Variants in PBX3 observed in about 807,000 individuals in gnomAD.
The protein encoded by PBX3 is pre-B-cell leukemia transcription factor 3.
A neutral mutation model predicts 48.5 loss-of-function variants in PBX3; 14 were observed. The ratio of observed to expected loss-of-function variants is 0.29; its 90% CI spans 0.19 to 0.45. The LOEUF is 0.45. Among genes scored for constraint, PBX3 ranks in the 20% least tolerant of loss-of-function variants. The probability of loss-of-function intolerance (pLI) is 1.00; values close to 1 mark genes in which losing one functional copy is unlikely to be tolerated. For missense variants in PBX3, 386 were observed against 546.7 expected (o/e 0.71, Z 2.93); for synonymous variants, 210 against 200.3 (o/e 1.05, Z -0.41).
Position 125,929,860 on chromosome 9 carries a change from A to G in PBX3, c.707+15A>G. On this transcript the variant is annotated intron_variant, in intron 4 of 8. Coordinates refer to ENST00000373489, the MANE Select transcript of PBX3 (RefSeq NM_006195.6). Reference sequence around the variant, plus strand: ...CTTGATGCCAGGTATGTGAAGCCATAAATCTATTGCATGGCTTTCCCCCGT... The same window carrying G: ...CTTGATGCCAGGTATGTGAAGCCATGAATCTATTGCATGGCTTTCCCCCGT... 1 of 1,577,232 alleles carries G rather than the reference A, an allele frequency of 6.3e-7. No homozygotes were observed. The highest frequency in any genetic ancestry group is 1.1e-5 in the South Asian group (1 of 90,036).
rs1489511548 is a variant in PBX3 at position 125,818,243 on chromosome 9, T to TTAC, written c.274+69621_274+69623dup. Among the ~76,000 whole-genome samples, 3 of 151,186 alleles carry TTAC rather than the reference T, an allele frequency of 2.0e-5. No individual in the cohort carries two copies. In the East Asian group the frequency reaches 5.8e-4, roughly 29 times the overall value. ...ACAAAAACCAAAACCAGATATAGTATTACCAGAGAGTTCCTGCTCATAAGT... is the reference window on the plus strand; with the variant it reads ...ACAAAAACCAAAACCAGATATAGTATTACTACCAGAGAGTTCCTGCTCATAAGT... On this transcript the variant is annotated intron_variant, in intron 2 of 8. Coordinates refer to ENST00000373489, the MANE Select transcript of PBX3 (RefSeq NM_006195.6).
At chr9:125,941,464 A>G (rs1841957700) in intron 5 of PBX3, among the ~76,000 whole-genome samples, 1 of 152,224 alleles carries the variant, frequency 6.6e-6, no homozygotes, top group African/African-American at 2.4e-5. Flanking sequence ...GAGGCAAGGG[A>G]AAGCAGAGCT....
chr9:125,899,487 A>AGAGAGAGAGAGAGC (rs1554726038), intron 2 of PBX3, among the ~76,000 whole-genome samples: 1 of 123,062 alleles, frequency 8.1e-6, no homozygotes, highest in Non-Finnish European at 1.7e-5. Flanking sequence ...AGAGAGAGAG[A>AGAGAGAGAGAGAGC]GCTCACCCAC....
intron 2 of PBX3, among the ~76,000 whole-genome samples, chr9:125,750,256 A>G (rs1836334254): frequency 6.6e-6 from 1 of 152,204 alleles, no homozygotes; most frequent in Non-Finnish European, 1.5e-5. Context: ...ACAGCCTTAT[A>G]TTACTAGGGA....
In PBX3 at chr9:125,967,353, T is replaced by C. The variant is rs1393600401; in HGVS notation, c.*1430T>C. On this transcript the variant is annotated 3_prime_UTR_variant, in exon 9 of 9. Coordinates refer to ENST00000373489, the MANE Select transcript of PBX3 (RefSeq NM_006195.6). ...AGTTATATGTAGTTTCAAACATGAATAAACTTTTTGCTTTCATGATTAAAT... is the reference window on the plus strand; with the variant it reads ...AGTTATATGTAGTTTCAAACATGAACAAACTTTTTGCTTTCATGATTAAAT... The C allele has an allele frequency of 1.3e-5, 2 of 152,670 alleles. No individual in the cohort carries two copies. The highest frequency in any genetic ancestry group is 2.9e-5 in the Non-Finnish European group (2 of 68,042). 9.5% of individuals were successfully genotyped at this position (152,670 alleles called of 1,614,324 possible).
At chr9:125,767,238 C>T (rs1836823244) in intron 2 of PBX3, among the ~76,000 whole-genome samples, 1 of 152,242 alleles carries the variant, frequency 6.6e-6, no homozygotes, top group African/African-American at 2.4e-5. Flanking sequence ...GTGAATTTGG[C>T]GAATGCTAAG....
intron 2 of PBX3, among the ~76,000 whole-genome samples, chr9:125,803,463 A>G (rs1380956035): frequency 2.0e-5 from 3 of 152,190 alleles, no homozygotes; most frequent in Admixed American, 6.5e-5. Flanking sequence ...ATGAACATGA[A>G]CTACATTTAG....
At chr9:125,779,880 G>A (rs1206438857) in intron 2 of PBX3, among the ~76,000 whole-genome samples, 45 of 135,710 alleles carry the variant, frequency 3.3e-4, no homozygotes, top group African/African-American at 1.2e-3. Flanking sequence ...CGGCTGGCCG[G>A]GCGGGGGGCT....
chr9:125,949,261 CAG>C, intron 5 of PBX3: 1 of 1,297,954 alleles, frequency 7.7e-7, no homozygotes, highest in Non-Finnish European at 1.1e-6. Context: ...TCAGGGGATT[CAG>C]GGGTTAATGA....
chr9:125,891,164 C>T (rs1178804815), intron 2 of PBX3, among the ~76,000 whole-genome samples: 1 of 152,190 alleles, frequency 6.6e-6, no homozygotes, highest in African/African-American at 2.4e-5. Context: ...GTACTATGCA[C>T]TGGTTCCAAA....
chr9:125,825,868 A>G (rs1008389208), intron 2 of PBX3, among the ~76,000 whole-genome samples: 3 of 152,174 alleles, frequency 2.0e-5, no homozygotes, highest in Non-Finnish European at 4.4e-5. Flanking sequence ...CATGATTGTG[A>G]TATCGCCAAG....
At chr9:125,751,987 AT>A (rs1462093075) in intron 2 of PBX3, among the ~76,000 whole-genome samples, 2 of 152,198 alleles carry the variant, frequency 1.3e-5, no homozygotes, top group African/African-American at 2.4e-5. Flanking sequence ...CAAGAAAAAA[AT>A]ATTTATTTTT....
At chr9:125,755,672 G>GTGTT (rs1836494842) in intron 2 of PBX3, among the ~76,000 whole-genome samples, 2 of 95,236 alleles carry the variant, frequency 2.1e-5, no homozygotes, top group Admixed American at 1.1e-4. Context: ...GAGGAGCTTT[G>GTGTT]TTTTTTTTTT....
chr9:125,902,789 T>C (rs1840980389), intron 2 of PBX3, among the ~76,000 whole-genome samples: 1 of 151,754 alleles, frequency 6.6e-6, no homozygotes, highest in Non-Finnish European at 1.5e-5. Context: ...TGTTAATTAC[T>C]GTACATGTTG....
chr9:125,858,786 C>T lies in PBX3; in HGVS notation c.275-56900C>T, dbSNP rs535783300. 1.9e-4 allele frequency among the ~76,000 whole-genome samples: 29 copies of T among 152,010 alleles called. No individual in the cohort carries two copies. In the South Asian group the frequency reaches 5.4e-3, roughly 28 times the overall value. Reference sequence around the variant, plus strand: ...GATTACAGGCACCTGCCACCATGCCCGGCTAATTTTTGTATTTTTAGTAGA... The same window carrying T: ...GATTACAGGCACCTGCCACCATGCCTGGCTAATTTTTGTATTTTTAGTAGA... On this transcript the variant is annotated intron_variant, in intron 2 of 8. Transcript: ENST00000373489.
intron 2 of PBX3, among the ~76,000 whole-genome samples, chr9:125,844,168 T>C (rs1839364034): frequency 1.3e-5 from 2 of 152,030 alleles, no homozygotes; most frequent in South Asian, 4.1e-4. Flanking sequence ...TTTAAGGAAG[T>C]TTTCTATTAT....
chr9:125,877,259 A>C (rs892731410), intron 2 of PBX3, among the ~76,000 whole-genome samples: 9 of 152,190 alleles, frequency 5.9e-5, no homozygotes, highest in Non-Finnish European at 1.3e-4. Context: ...CGTAATAATA[A>C]AACCTTCCCT....
chr9:125,829,936 C>A (rs1838910978), intron 2 of PBX3, among the ~76,000 whole-genome samples: 1 of 152,160 alleles, frequency 6.6e-6, no homozygotes, highest in African/African-American at 2.4e-5. Flanking sequence ...ATTAGTTACC[C>A]ACGCAGCACT....
intron 2 of PBX3, among the ~76,000 whole-genome samples, chr9:125,779,261 T>TC (rs1554853831): frequency 6.9e-6 from 1 of 145,232 alleles, no homozygotes. Flanking sequence ...TTTTTTTTTT[T>TC]AATTTTTATT....
Sources: allele counts gnomAD v4.1 joint callset (sites outside exome capture counted in the v4.1 genomes callset), GRCh38; gene constraint gnomAD v4.1.1; transcripts MANE v1.5; gene names NCBI Gene and HGNC (gene_info 2026-07-23, HGNC 2026-07-21).